Variants in BNIP1 observed in about 807,000 individuals in gnomAD.
BNIP1 encodes the protein BCL2 interacting protein 1.
A neutral mutation model predicts 28.5 loss-of-function variants in BNIP1; 25 were observed. That is an observed-to-expected ratio of 0.88 (90% CI 0.64 to 1.23). The LOEUF is 1.23. BNIP1 is among the 50% of genes most tolerant of loss of function. The pLI is 0.00. For missense variants in BNIP1, 276 were observed against 277.0 expected, an observed-to-expected ratio of 1.00 and a Z score of 0.02; for synonymous variants, 118 against 101.7, an observed-to-expected ratio of 1.16 and a Z score of -0.96.
rs1379649092 is a variant in BNIP1 at position 173,147,092 on chromosome 5, A to C, written c.177+134A>C. The C allele has an allele frequency of 9.1e-6, 6 of 656,586 alleles. No individual in the cohort carries two copies. In the Admixed American group the frequency reaches 1.7e-4, roughly 19 times the overall value. 40.7% of individuals were successfully genotyped at this position (656,586 alleles called of 1,614,324 possible). ...TAGACAGGGAGGGTGACTCTGTACTAACCTGCTCTCCAGGTAAAAACGAGA... is the reference window on the plus strand; with the variant it reads ...TAGACAGGGAGGGTGACTCTGTACTCACCTGCTCTCCAGGTAAAAACGAGA... On this transcript the variant is annotated intron_variant, in intron 2 of 5. Transcript: ENST00000351486.
Position 173,163,749 on chromosome 5 carries a change from A to G in BNIP1, c.515A>G (p.Asp172Gly), listed in dbSNP as rs1344615604. 1 of 1,609,206 alleles carries G rather than the reference A, an allele frequency of 6.2e-7. No homozygotes were observed. The highest frequency in any genetic ancestry group is 1.7e-5 in the Admixed American group (1 of 59,150). The change falls in exon 6 of 6, where the codon GAT (aspartate) becomes GGT (glycine). Residue 172 changes from aspartate (D) to glycine (G), a missense_variant. Physicochemically the swap from Asp to Gly is moderately conservative, Grantham distance 94. Transcript: ENST00000351486. ...SLVTSSRTIL[D>G]ANEEFKSMSG... ...GTCACTTCTTCACGAACGATCCTGGATGCAAATGAAGAATTTAAGTCCATG... is the reference window on the plus strand; with the variant it reads ...GTCACTTCTTCACGAACGATCCTGGGTGCAAATGAAGAATTTAAGTCCATG...
At chr5:173,155,321 C>T (rs1226342844) in intron 3 of BNIP1, among the ~76,000 whole-genome samples, 17 of 152,192 alleles carry the variant, frequency 1.1e-4, no homozygotes, top group African/African-American at 2.4e-5. Context: ...AGTATCTTTC[C>T]CTTCACATTT....
At chr5:173,147,683 G>T (rs1759880076) in intron 2 of BNIP1, among the ~76,000 whole-genome samples, 1 of 151,448 alleles carries the variant, frequency 6.6e-6, no homozygotes, top group Non-Finnish European at 1.5e-5. Flanking sequence ...ATTCAAGTAT[G>T]GTATATGTGC....
At chr5:173,152,820 G>A (rs1299882634) in intron 2 of BNIP1, among the ~76,000 whole-genome samples, 4 of 152,130 alleles carry the variant, frequency 2.6e-5, no homozygotes, top group African/African-American at 7.2e-5. Flanking sequence ...TTGAAATGGT[G>A]GATACACAAA....
rs781757511 is a variant in BNIP1 at position 173,146,921 on chromosome 5, TAA to T, written c.143_144del (p.Lys48ArgfsTer18). ...GCTCTTACTGAACTGAATACTAAAG[TAA>T]AAGAGAAATTTCAACAGTTGCGTCA... On this transcript the variant is annotated frameshift_variant, in exon 2 of 6. Coordinates refer to ENST00000351486, the MANE Select transcript of BNIP1 (RefSeq NM_001205.3). LOFTEE classifies it high-confidence loss of function. 6.2e-7 allele frequency: 1 copy of T among 1,613,832 alleles called. No individual in the cohort carries two copies. Among genetic ancestry groups the T allele is most frequent in the East Asian group, 2.2e-5 (1 of 44,860 alleles).
intron 1 of BNIP1, chr5:173,144,860 G>C (rs1759785238): frequency 2.0e-6 from 1 of 502,588 alleles, no homozygotes; most frequent in Non-Finnish European, 3.6e-6. Context: ...GCACCCCACT[G>C]TTCTCCGCCC....
chr5:173,151,631 C>G (rs1350013327), intron 2 of BNIP1: 1 of 1,613,522 alleles, frequency 6.2e-7, no homozygotes, highest in South Asian at 1.1e-5. Flanking sequence ...TAACTTATTC[C>G]CTGACAGACT....
intron 2 of BNIP1, chr5:173,151,475 C>T: frequency 7.5e-7 from 1 of 1,327,154 alleles, no homozygotes. Context: ...CCTGCCTCAG[C>T]CTTCCAAAGT....
At chr5:173,162,676 C>T (rs963945806) in intron 5 of BNIP1, among the ~76,000 whole-genome samples, 2 of 152,032 alleles carry the variant, frequency 1.3e-5, no homozygotes, top group Admixed American at 6.6e-5. Context: ...ACTTACATCT[C>T]CTGACATCTC....
At chr5:173,163,561 C>G (rs573742645) in intron 5 of BNIP1, among the ~76,000 whole-genome samples, 164 bp from the exon 6 acceptor site, 4 of 152,284 alleles carry the variant, frequency 2.6e-5, no homozygotes, top group African/African-American at 9.6e-5. Flanking sequence ...TGGGGAGGAG[C>G]CTTTCCTTGT....
intron 2 of BNIP1, among the ~76,000 whole-genome samples, chr5:173,148,134 A>G (rs1232450373): frequency 1.0e-5 from 1 of 99,570 alleles, no homozygotes; most frequent in South Asian, 3.8e-4. Context: ...ATATATATAT[A>G]TATTTTAATA....
rs572261030 is a variant in BNIP1, at chr5:173,156,478, TA to T, written c.269+2079del. Among the ~76,000 whole-genome samples the T allele has an allele frequency of 3.4e-3, 482 of 143,340 alleles. 2 individuals carry two copies. Among genetic ancestry groups the T allele is most frequent in the Middle Eastern group, 0.021 (6 of 280 alleles). The allele number at this position is 143,340 out of a possible 152,430, so 94.0% of individuals were successfully genotyped here. A position where few individuals can be genotyped will look rare whatever the true frequency, so the allele number is the denominator to read the frequency against. On this transcript the variant is annotated intron_variant, in intron 3 of 5. Coordinates refer to ENST00000351486, the MANE Select transcript of BNIP1 (RefSeq NM_001205.3). ...GGCAACAAAGCAAAACCTCATCTAT[TA>T]AAAAAAAAAAAAATTAGCTGGGGGC...
chr5:173,161,846 A>C (rs1760372982), intron 5 of BNIP1: 1 of 152,124 alleles, frequency 6.6e-6, no homozygotes, highest in Non-Finnish European at 1.5e-5. Context: ...GATGGTTCAA[A>C]ATTCTCCGTA....
In BNIP1 at chr5:173,146,945, G is replaced by A. The variant is rs144179275; in HGVS notation, c.164G>A (p.Arg55His). ...GTAAAAGAGAAATTTCAACAGTTGCGTCACAGAATACAGGTGGGTATTCTC... is the reference window on the plus strand; with the variant it reads ...GTAAAAGAGAAATTTCAACAGTTGCATCACAGAATACAGGTGGGTATTCTC... ...TKVKEKFQQL[R>H]HRIQDLEQLA... The change falls in exon 2 of 6, where the codon CGT (arginine) becomes CAT (histidine). Residue 55 changes from arginine to histidine, a missense_variant. Transcript: ENST00000351486. The A allele has an allele frequency of 9.1e-5, 147 of 1,613,146 alleles. No individual in the cohort carries two copies. The highest frequency in any genetic ancestry group is 5.5e-4 in the African/African-American group (41 of 74,994).
At chr5:173,144,926 T>G in intron 1 of BNIP1, 1 of 320,740 alleles carries the variant, frequency 3.1e-6, no homozygotes, top group South Asian at 5.0e-5. Flanking sequence ...GCAGCCCTGG[T>G]CGTCGCCCCG....
chr5:173,160,847 G>A (rs1198509501), intron 5 of BNIP1: 1 of 456,278 alleles, frequency 2.2e-6, no homozygotes. Context: ...ATGTGAATCA[G>A]AGGCTACAGG....
intron 5 of BNIP1, among the ~76,000 whole-genome samples, chr5:173,160,412 T>C (rs1469923142): frequency 6.6e-6 from 1 of 152,134 alleles, no homozygotes; most frequent in Admixed American, 6.6e-5. Context: ...TTTTGTATTT[T>C]TAGTAGAGAC....
In BNIP1 at chr5:173,163,820, C is replaced by A; in HGVS notation, c.586C>A (p.Arg196Ser). 6.2e-7 allele frequency: 1 copy of A among 1,613,970 alleles called. No homozygotes were observed. Among genetic ancestry groups the A allele is most frequent in the Non-Finnish European group, 8.5e-7 (1 of 1,179,954 alleles). ...CCGGAAGCTTATCACAAAATACAAT[C>A]GCCGGGAGCTGACGGACAAGCTTCT... is the stretch of plus-strand genomic sequence containing the variant. Reference protein sequence around the residue: ...LGRKLITKYNRRELTDKLLIF... With the variant: ...LGRKLITKYNSRELTDKLLIF... The change falls in exon 6 of 6, where the codon CGC (arginine) becomes AGC (serine). Residue 196 changes from arginine to serine, a missense_variant. Physicochemically the swap from Arg to Ser is moderately radical, Grantham distance 110. Transcript: ENST00000351486.
At chr5:173,158,551 G>C (rs2113856941) in intron 3 of BNIP1, among the ~76,000 whole-genome samples, 193 bp from the exon 4 acceptor site, 1 of 152,366 alleles carries the variant, frequency 6.6e-6, no homozygotes, top group Non-Finnish European at 1.5e-5. Flanking sequence ...GTCCGGTCAA[G>C]GGGTATCAGG....
Sources: gnomAD v4.1 joint callset for allele counts (sites outside exome capture counted in the v4.1 genomes callset) on GRCh38, gnomAD v4.1.1 for gene constraint, MANE v1.5 for transcripts, NCBI Gene and HGNC (gene_info 2026-07-23, HGNC 2026-07-21) for gene names.